SPATA6L: variants seen among roughly 807,000 people sequenced by gnomAD.
SPATA6L encodes the protein spermatogenesis associated 6 like.
Under a neutral mutation model 49.2 loss-of-function variants are expected in SPATA6L, and 68 were observed. The ratio of observed to expected loss-of-function variants is 1.38; its 90% CI spans 1.14 to 1.69. The LOEUF is 1.69. SPATA6L is among the 40% of genes most tolerant of loss of function. The probability of loss-of-function intolerance (pLI) is 0.00; values close to 1 mark genes in which losing one functional copy is unlikely to be tolerated. For missense variants in SPATA6L, 668 were observed against 464.3 expected, an observed-to-expected ratio of 1.44 and a Z score of -4.03; for synonymous variants, 198 against 165.7, an observed-to-expected ratio of 1.19 and a Z score of -1.50.
chr9:4,598,632 A>T lies in SPATA6L; in HGVS notation c.*2179T>A, dbSNP rs1430107384. On this transcript the variant is annotated 3_prime_UTR_variant, in exon 12 of 12. Coordinates refer to ENST00000682582, the MANE Select transcript of SPATA6L (RefSeq NM_001353486.2). ...GAGTTATGCTTAAACCATTTCAAAA[A>T]ACACTGAATATTGAATGTCATGGTG... is the stretch of plus-strand genomic sequence containing the variant. Among the ~76,000 whole-genome samples, 3 of 152,238 alleles carry T rather than the reference A, an allele frequency of 2.0e-5. No homozygotes were observed. The highest frequency in any genetic ancestry group is 2.9e-5 in the Non-Finnish European group (2 of 68,034).
At chr9:4,665,380 C>T (rs1464906814) in intron 1 of SPATA6L, 1 of 152,290 alleles carries the variant, frequency 6.6e-6, no homozygotes, top group Non-Finnish European at 1.5e-5. Flanking sequence ...TGGTATAGCA[C>T]TACTAATAAG....
chr9:4,631,726 C>T (rs1364388118), intron 4 of SPATA6L, among the ~76,000 whole-genome samples: 1 of 152,040 alleles, frequency 6.6e-6, no homozygotes, highest in Non-Finnish European at 1.5e-5. Context: ...TTCTTACTTC[C>T]TACAATATTA....
intron 3 of SPATA6L, among the ~76,000 whole-genome samples, chr9:4,636,252 C>A (rs779601369): frequency 6.6e-6 from 1 of 152,102 alleles, no homozygotes; most frequent in Admixed American, 6.6e-5. Context: ...CTAAATGCTT[C>A]ATTATGCTTG....
intron 9 of SPATA6L, among the ~76,000 whole-genome samples, chr9:4,616,245 C>G (rs1309003433): frequency 6.6e-6 from 1 of 151,968 alleles, no homozygotes; most frequent in Non-Finnish European, 1.5e-5. Context: ...CCACTGCACT[C>G]CAGCCTGGGT....
Position 4,661,910 on chromosome 9 carries a change from T to G in SPATA6L, c.166A>C (p.Arg56=). Residue 56 remains arginine (R), a synonymous_variant, in exon 2 of 12, where the codon AGA becomes CGA. Transcript: ENST00000682582. The part of the protein sequence containing the change: ...AFPIMIQESM[R]FEKVFESAVD... The stretch of plus-strand genomic sequence containing the variant: ...AAAGTCAAGATCACCTTTTCAAATC[T>G]CATGCTCTCCTGAATCATAATGGGG... 1 of 1,613,784 alleles carries G rather than the reference T, an allele frequency of 6.2e-7. No individual in the cohort carries two copies. Among genetic ancestry groups the G allele is most frequent in the African/African-American group, 1.3e-5 (1 of 75,032 alleles).
At chr9:4,617,658 G>T in intron 9 of SPATA6L, 1 of 331,736 alleles carries the variant, frequency 3.0e-6, no homozygotes, top group Non-Finnish European at 5.4e-6. Context: ...AAAATGAAAA[G>T]GTTTAGTTTT....
chr9:4,597,072 A>T (rs1022963285), downstream of SPATA6L, among the ~76,000 whole-genome samples: 6 of 152,174 alleles, frequency 3.9e-5, no homozygotes, highest in African/African-American at 1.2e-4. Flanking sequence ...TATTACCTCC[A>T]TATTATACAT....
intron 3 of SPATA6L, among the ~76,000 whole-genome samples, chr9:4,650,292 TGTGACCTTGGTC>T (rs1836507513): frequency 6.6e-6 from 1 of 152,234 alleles, no homozygotes; most frequent in African/African-American, 2.4e-5. Context: ...TGCTATTATC[TGTGACCTTGGTC>T]CTAATTCTTT....
chr9:4,633,502 A>G (rs1176221381), intron 4 of SPATA6L: 1 of 164,376 alleles, frequency 6.1e-6, no homozygotes, highest in Non-Finnish European at 1.4e-5. Context: ...ATATATTGTA[A>G]TAAAGCCCTT....
intron 3 of SPATA6L, 57 bp downstream of exon 3, chr9:4,655,983 TC>T: frequency 7.6e-7 from 1 of 1,317,318 alleles, no homozygotes; most frequent in Non-Finnish European, 1.1e-6. Context: ...GAGTTTTGAA[TC>T]TGTGAATTAC....
intron 3 of SPATA6L, among the ~76,000 whole-genome samples, chr9:4,654,845 G>C (rs770272112): frequency 6.6e-6 from 1 of 151,202 alleles, no homozygotes. Context: ...GGCCAGGATG[G>C]TCTTGGGAAA....
intron 9 of SPATA6L, among the ~76,000 whole-genome samples, chr9:4,608,671 T>A (rs1036343343): frequency 2.7e-5 from 4 of 148,456 alleles, no homozygotes; most frequent in African/African-American, 1.0e-4. Flanking sequence ...TTTATAGCAC[T>A]AAATGCCCAC....
At chr9:4,640,046 T>C (rs1228490807) in intron 3 of SPATA6L, among the ~76,000 whole-genome samples, 1 of 152,328 alleles carries the variant, frequency 6.6e-6, no homozygotes, top group East Asian at 1.9e-4. Flanking sequence ...GTATAAAATA[T>C]TGCTATAAAA....
In SPATA6L at chr9:4,622,493, G is replaced by C. The variant is rs1829554098; in HGVS notation, c.687C>G (p.Pro229=). 1.2e-6 allele frequency: 2 copies of C among 1,612,690 alleles called. No homozygotes were observed. The highest frequency in any genetic ancestry group is 8.5e-7 in the Non-Finnish European group (1 of 1,179,438). ...GATGCTCTGAAATATTCTCACCAAA[G>C]GGCTTTGCACTGTCCACCTGAAAGT... is the stretch of plus-strand genomic sequence containing the variant. The part of the protein sequence containing the change: ...FVVRHVDSAK[P]FGENISEHHL... The change falls in exon 7 of 12, where the codon CCC becomes CCG. Residue 229 remains proline, a synonymous_variant. Coordinates refer to ENST00000682582, the MANE Select transcript of SPATA6L (RefSeq NM_001353486.2).
Position 4,598,344 on chromosome 9 carries a change from T to G in SPATA6L, c.*2467A>C, listed in dbSNP as rs148763037. On this transcript the variant is annotated 3_prime_UTR_variant, in exon 12 of 12. Coordinates refer to ENST00000682582, the MANE Select transcript of SPATA6L (RefSeq NM_001353486.2). ...TTTTTATGATGTTTAATGACACAGA[T>G]CTTCCCAAAGTAATCCAAACCCCAA... Among the ~76,000 whole-genome samples, 8 of 152,356 alleles carry G rather than the reference T, an allele frequency of 5.3e-5. No homozygotes were observed. Among genetic ancestry groups the G allele is most frequent in the African/African-American group, 1.9e-4 (8 of 41,586 alleles).
chr9:4,625,725 AT>A (rs146651040), intron 5 of SPATA6L, 159 bp from the exon 6 acceptor site: 9,620 of 503,118 alleles, frequency 0.019, 723 homozygotes, highest in African/African-American at 0.16. Flanking sequence ...CATTTCTCTA[AT>A]TTTTTTCCTG....
At chr9:4,626,173 A>C (rs1830312203) in intron 5 of SPATA6L, 1 of 213,688 alleles carries the variant, frequency 4.7e-6, no homozygotes, top group Non-Finnish European at 9.5e-6. Flanking sequence ...TTTGCATTCT[A>C]TTCCTGTTAG....
chr9:4,644,685 T>A (rs10974708), intron 3 of SPATA6L, among the ~76,000 whole-genome samples: 2,065 of 107,628 alleles, frequency 0.019, 9 homozygotes, highest in Middle Eastern at 0.068. Flanking sequence ...TCTCTCTCTC[T>A]CACACACACA....
intron 9 of SPATA6L, among the ~76,000 whole-genome samples, 163 bp from the exon 10 acceptor site, chr9:4,605,603 C>G (rs924721502): frequency 6.6e-6 from 1 of 152,062 alleles, no homozygotes; most frequent in Admixed American, 6.5e-5. Context: ...TTAAACCTAC[C>G]CATAGGAAAA....
Sources: gnomAD v4.1 joint callset for allele counts (sites outside exome capture counted in the v4.1 genomes callset) on GRCh38, gnomAD v4.1.1 for gene constraint, MANE v1.5 for transcripts, NCBI Gene and HGNC (gene_info 2026-07-23, HGNC 2026-07-21) for gene names.